MYH15: variants seen among roughly 807,000 people sequenced by gnomAD.
MYH15 encodes the protein myosin-15.
Under a neutral mutation model 240.5 loss-of-function variants are expected in MYH15, and 227 were observed. The ratio of observed to expected loss-of-function variants is 0.94; its 90% CI spans 0.85 to 1.05. The LOEUF (loss-of-function observed/expected upper bound fraction) is 1.05, where lower values mean the gene tolerates loss of function less well. MYH15 is among the 50% of genes least tolerant of loss of function. The probability of loss-of-function intolerance (pLI) is 0.00; values close to 1 mark genes in which losing one functional copy is unlikely to be tolerated. For missense variants in MYH15, 2,217 were observed against 2,247.5 expected (o/e 0.99, Z 0.27); for synonymous variants, 785 against 796.7 (o/e 0.99, Z 0.25).
chr3:108,454,129 G>A lies in MYH15; in HGVS notation c.2276C>T (p.Ala759Val), dbSNP rs1263799971. Residue 759 changes from alanine to valine, a missense_variant, in exon 21 of 41, where the codon GCT becomes GTT. Ala to Val is a moderately conservative substitution (Grantham distance 64, BLOSUM62 0). Coordinates refer to ENST00000693548, the MANE Select transcript of MYH15 (RefSeq NM_014981.3). ...TGCTTCCAGTTGGCCCAGAAACCCA[G>A]CTTTAAAAAACACCTAAAGGAAAAG... ...RFGITKVFFK[A>V]GFLGQLEAIR... The A allele has an allele frequency of 5.6e-6, 9 of 1,608,854 alleles. No homozygotes were observed. Among genetic ancestry groups the A allele is most frequent in the South Asian group, 3.3e-5 (3 of 90,256 alleles).
intron 19 of MYH15, 39 bp from the exon 20 acceptor site, chr3:108,455,898 T>G: frequency 6.4e-7 from 1 of 1,574,066 alleles, no homozygotes. Flanking sequence ...GTTTGGGAAA[T>G]CATATTATTC....
chr3:108,478,589 A>G (rs2083239447), intron 11 of MYH15, among the ~76,000 whole-genome samples: 1 of 107,374 alleles, frequency 9.3e-6, no homozygotes, highest in Admixed American at 8.7e-5. Flanking sequence ...TATTTAAAAG[A>G]CGGGAAGAAA....
chr3:108,457,451 C>T (rs1260168265), intron 18 of MYH15, among the ~76,000 whole-genome samples: 1 of 152,088 alleles, frequency 6.6e-6, no homozygotes, highest in Non-Finnish European at 1.5e-5. Context: ...TATAAGCATC[C>T]TTCTGTCACC....
intron 27 of MYH15, among the ~76,000 whole-genome samples, chr3:108,426,519 C>G (rs967830829): frequency 6.6e-6 from 1 of 152,244 alleles, no homozygotes; most frequent in Non-Finnish European, 1.5e-5. Context: ...CAGGTCACCA[C>G]TCTGGAAGGC....
chr3:108,514,888 C>G (rs2083548607), upstream of MYH15, among the ~76,000 whole-genome samples: 1 of 152,192 alleles, frequency 6.6e-6, no homozygotes, highest in African/African-American at 2.4e-5. Flanking sequence ...GCCTCCTAAT[C>G]CCCTAGGATA....
At chr3:108,515,027 G>A (rs538919721), upstream of MYH15, among the ~76,000 whole-genome samples, 8 of 151,972 alleles carry the variant, frequency 5.3e-5, no homozygotes, top group African/African-American at 1.7e-4. Context: ...ACTTTTAGAC[G>A]ACACAGTTTG....
intron 35 of MYH15, among the ~76,000 whole-genome samples, chr3:108,397,656 G>C (rs1386743031): frequency 6.6e-6 from 1 of 152,178 alleles, no homozygotes; most frequent in African/African-American, 2.4e-5. Flanking sequence ...GGCTTCTTCT[G>C]ATTCTAGGAT....
intron 11 of MYH15, among the ~76,000 whole-genome samples, chr3:108,478,168 A>G (rs763685638): frequency 4.6e-5 from 7 of 152,194 alleles, no homozygotes; most frequent in Non-Finnish European, 1.0e-4. Flanking sequence ...ACACAATTAG[A>G]GAGCTCTATC....
chr3:108,410,422 C>G (rs7649242), intron 31 of MYH15, among the ~76,000 whole-genome samples, 161 bp downstream of exon 31: 1 of 152,068 alleles, frequency 6.6e-6, no homozygotes, highest in East Asian at 1.9e-4. Context: ...TTAATACAAA[C>G]AGCATCTAAA....
rs575961527 is a variant in MYH15 at position 108,510,348 on chromosome 3, C to G, written c.88+95G>C. 3 of 1,493,994 alleles carry G rather than the reference C, an allele frequency of 2.0e-6. No individual in the cohort carries two copies. The African/African-American group carries it at 4.2e-5, about 21-fold the overall frequency. 92.5% of individuals were successfully genotyped at this position (1,493,994 alleles called of 1,614,324 possible). The stretch of plus-strand genomic sequence containing the variant: ...ATACCCTAAGCAAATAAGTTAGGCT[C>G]TAGAACTGATGGCTCTTCTCTGTCA... On this transcript the variant is annotated intron_variant, in intron 1 of 40. Transcript: ENST00000693548.
intron 1 of MYH15, among the ~76,000 whole-genome samples, chr3:108,519,223 T>C (rs1222300922): frequency 1.3e-5 from 2 of 152,166 alleles, no homozygotes; most frequent in Non-Finnish European, 2.9e-5. Context: ...AAAATTTAGA[T>C]TTGTGGTTCA....
At chr3:108,424,063 G>A (rs749594443) in intron 27 of MYH15, among the ~76,000 whole-genome samples, 5 of 152,138 alleles carry the variant, frequency 3.3e-5, no homozygotes, top group Non-Finnish European at 7.3e-5. Context: ...CCCTGAATAT[G>A]CTGTGCTATG....
At chr3:108,388,486 C>G (rs1182535710) in intron 38 of MYH15, among the ~76,000 whole-genome samples, 1 of 152,122 alleles carries the variant, frequency 6.6e-6, no homozygotes, top group African/African-American at 2.4e-5. Flanking sequence ...TTTGTTTCCA[C>G]CTGGCACCAG....
chr3:108,394,711 C>T (rs906767325), intron 35 of MYH15, among the ~76,000 whole-genome samples: 5 of 152,058 alleles, frequency 3.3e-5, no homozygotes, highest in South Asian at 2.1e-4. Context: ...CCCTCATTAC[C>T]ACGGAGGATT....
chr3:108,517,280 A>C (rs1296935807), intron 1 of MYH15, among the ~76,000 whole-genome samples: 2 of 152,150 alleles, frequency 1.3e-5, no homozygotes, highest in African/African-American at 4.8e-5. Context: ...TCTCTGATCA[A>C]AATGCTGGAT....
chr3:108,395,915 C>G (rs1415330175), intron 35 of MYH15, among the ~76,000 whole-genome samples: 3 of 152,128 alleles, frequency 2.0e-5, no homozygotes, highest in Non-Finnish European at 4.4e-5. Context: ...TCACCTAGAC[C>G]AGTGCTGGTC....
intron 1 of MYH15, among the ~76,000 whole-genome samples, chr3:108,517,417 C>T (rs1189312045): frequency 6.6e-6 from 1 of 152,206 alleles, no homozygotes; most frequent in African/African-American, 2.4e-5. Flanking sequence ...ACCGCAACCT[C>T]TGACTCCCGG....
chr3:108,511,260 G>T (rs77501812), upstream of MYH15, among the ~76,000 whole-genome samples: 1,860 of 152,226 alleles, frequency 0.012, 66 homozygotes, highest in Admixed American at 0.063. Context: ...TCTTGGCAGA[G>T]ATAAGTGTCT....
intron 1 of MYH15, among the ~76,000 whole-genome samples, chr3:108,508,249 G>T (rs2083493664): frequency 6.6e-6 from 1 of 152,078 alleles, no homozygotes; most frequent in African/African-American, 2.4e-5. Context: ...ACCACCCCTG[G>T]AAACACTTAG....
Sources: gnomAD v4.1 joint callset for allele counts (sites outside exome capture counted in the v4.1 genomes callset) on GRCh38, gnomAD v4.1.1 for gene constraint, MANE v1.5 for transcripts, NCBI Gene and HGNC (gene_info 2026-07-23, HGNC 2026-07-21) for gene names.